WWOX: variants seen among roughly 807,000 people sequenced by gnomAD.
WWOX encodes the protein WW domain containing oxidoreductase, also known as WW domain-containing oxidoreductase.
WWOX carries 69 observed loss-of-function variants against 46.2 expected under a neutral mutation model. That is an observed-to-expected ratio of 1.49 (90% CI 1.23 to 1.82). The LOEUF is 1.82. Among genes scored for constraint, WWOX ranks in the 40% most tolerant of loss-of-function variants. The pLI is 0.00. For missense variants in WWOX, 919 were observed against 542.6 expected (o/e 1.69, Z -6.89); for synonymous variants, 359 against 202.6 (o/e 1.77, Z -6.56).
rs143600948 is a variant in WWOX at position 78,712,388 on chromosome 16, G to C, written c.1056+279636G>C. Among the ~76,000 whole-genome samples, 547 of 152,126 alleles carry C rather than the reference G, an allele frequency of 3.6e-3. 6 individuals are homozygous for C. Among genetic ancestry groups the C allele is most frequent in the South Asian group, 0.018 (85 of 4,820 alleles). The stretch of plus-strand genomic sequence containing the variant: ...ATAGTGTTGTGTGCCTGTAGGCCTA[G>C]TTACTTGGGAGGCTGAGGCGGGAGA... On this transcript the variant is annotated intron_variant, in intron 8 of 8. Transcript: ENST00000566780.
chr16:78,584,203 T>C lies in WWOX; in HGVS notation c.1056+151451T>C, dbSNP rs117169975. Among the ~76,000 whole-genome samples, 99 of 152,318 alleles carry C rather than the reference T, an allele frequency of 6.5e-4. 2 individuals carry two copies. In the East Asian group the frequency reaches 0.018, roughly 28 times the overall value. ...ACAAGGCCTGGCATAATCATTGTCATCACCATCACCATAGCTAGTATTTAT... is the reference window on the plus strand; with the variant it reads ...ACAAGGCCTGGCATAATCATTGTCACCACCATCACCATAGCTAGTATTTAT... On this transcript the variant is annotated intron_variant, in intron 8 of 8. Transcript: ENST00000566780.
At chr16:78,240,592 C>T (rs1348834280) in intron 5 of WWOX, among the ~76,000 whole-genome samples, 1 of 152,290 alleles carries the variant, frequency 6.6e-6, no homozygotes, top group Non-Finnish European at 1.5e-5. Flanking sequence ...CCCTAGCACA[C>T]TGCCACATCT....
At chr16:79,137,207 A>C (rs1253208441) in intron 8 of WWOX, among the ~76,000 whole-genome samples, 1 of 152,180 alleles carries the variant, frequency 6.6e-6, no homozygotes, top group Non-Finnish European at 1.5e-5. Context: ...TTTATTATGC[A>C]TGCCATACCC....
rs186535528 is a variant in WWOX at position 78,861,610 on chromosome 16, C to T, written c.1057-349998C>T. Among the ~76,000 whole-genome samples the T allele has an allele frequency of 2.1e-3, 324 of 152,288 alleles. 2 individuals carry two copies. Among genetic ancestry groups the T allele is most frequent in the Middle Eastern group, 0.01 (3 of 294 alleles). Reference sequence around the variant, plus strand: ...TAAAAAATGATAATTACAGTATCATCATCACACCCAAAAACATCACAAATT... The same window carrying T: ...TAAAAAATGATAATTACAGTATCATTATCACACCCAAAAACATCACAAATT... On this transcript the variant is annotated intron_variant, in intron 8 of 8. Coordinates refer to ENST00000566780, the MANE Select transcript of WWOX (RefSeq NM_016373.4).
At chr16:78,661,009 C>G (rs1251452326) in intron 8 of WWOX, among the ~76,000 whole-genome samples, 1 of 152,116 alleles carries the variant, frequency 6.6e-6, no homozygotes, top group Non-Finnish European at 1.5e-5. Context: ...AGATCCATGT[C>G]TTACTATTAC....
intron 8 of WWOX, among the ~76,000 whole-genome samples, chr16:78,909,002 A>G (rs1036532152): frequency 6.6e-6 from 1 of 152,184 alleles, no homozygotes; most frequent in Non-Finnish European, 1.5e-5. Context: ...CCCAGGCAGG[A>G]AGGTTGTTTA....
intron 8 of WWOX, among the ~76,000 whole-genome samples, chr16:79,021,025 A>G (rs931078818): frequency 6.6e-6 from 1 of 152,212 alleles, no homozygotes; most frequent in East Asian, 1.9e-4. Context: ...CCAAGAGGAT[A>G]CACAAGCTTC....
chr16:79,055,217 C>G (rs1006556493), intron 8 of WWOX, among the ~76,000 whole-genome samples: 2 of 152,150 alleles, frequency 1.3e-5, no homozygotes, highest in Non-Finnish European at 2.9e-5. Flanking sequence ...TTGCTGTTTT[C>G]TGTTATTTTG....
chr16:79,074,419 T>TTTTTTTTTTTTTTTTTTTTTTG (rs2048613826), intron 8 of WWOX, among the ~76,000 whole-genome samples: 1 of 123,952 alleles, frequency 8.1e-6, no homozygotes, highest in Non-Finnish European at 1.7e-5. Flanking sequence ...CTTTTTTTTT[T>TTTTTTTTTTTTTTTTTTTTTTG]TTTTTTTTTT....
At chr16:78,424,732 A>G (rs574900479) in intron 6 of WWOX, 138 bp from the exon 7 acceptor site, 1 of 1,006,708 alleles carries the variant, frequency 9.9e-7, no homozygotes, top group East Asian at 2.4e-5. Flanking sequence ...CGGAGAAAGA[A>G]TTTCTCATTC....
At chr16:78,149,551 C>T (rs1359681419) in intron 4 of WWOX, among the ~76,000 whole-genome samples, 1 of 152,180 alleles carries the variant, frequency 6.6e-6, no homozygotes, top group Non-Finnish European at 1.5e-5. Flanking sequence ...GAAGAGACCT[C>T]AATTCTGTGC....
chr16:78,461,536 C>T (rs989778319), intron 8 of WWOX, among the ~76,000 whole-genome samples: 2 of 152,204 alleles, frequency 1.3e-5, no homozygotes, highest in South Asian at 2.1e-4. Flanking sequence ...CAGATCCTTT[C>T]GCAAGGATCC....
intron 8 of WWOX, among the ~76,000 whole-genome samples, chr16:78,810,645 C>T (rs1031452654): frequency 4.6e-5 from 7 of 152,188 alleles, no homozygotes; most frequent in Non-Finnish European, 7.3e-5. Flanking sequence ...CTGAACAGGA[C>T]GTTTGGTTCT....
At chr16:79,178,934 C>T (rs2050855947) in intron 8 of WWOX, among the ~76,000 whole-genome samples, 1 of 152,126 alleles carries the variant, frequency 6.6e-6, no homozygotes, top group Non-Finnish European at 1.5e-5. Flanking sequence ...ATTATATTTC[C>T]CATTGACTAT....
chr16:78,114,774 A>T (rs896629960), intron 3 of WWOX, among the ~76,000 whole-genome samples: 2 of 152,122 alleles, frequency 1.3e-5, no homozygotes, highest in Non-Finnish European at 2.9e-5. Flanking sequence ...GAAGGAAAGG[A>T]TTCGATGACT....
chr16:78,557,647 T>C (rs1018007626), intron 8 of WWOX, among the ~76,000 whole-genome samples: 5 of 151,346 alleles, frequency 3.3e-5, no homozygotes, highest in African/African-American at 1.2e-4. Flanking sequence ...TTTTTCATTT[T>C]GCCCGGAAAT....
intron 8 of WWOX, among the ~76,000 whole-genome samples, chr16:78,688,740 A>T (rs1567492213): frequency 6.6e-6 from 1 of 152,090 alleles, no homozygotes; most frequent in Non-Finnish European, 1.5e-5. Context: ...GGGGTTAGTG[A>T]TAGGGTTCGG....
intron 8 of WWOX, among the ~76,000 whole-genome samples, chr16:78,834,490 TAGTA>T (rs1239718137): frequency 6.6e-6 from 1 of 151,984 alleles, no homozygotes; most frequent in African/African-American, 2.4e-5. Context: ...CAAAGAAACA[TAGTA>T]AGTGAGAAAA....
At position 79,211,672 on chromosome 16, in the gene WWOX, T is replaced by A; in HGVS notation, c.1121T>A (p.Met374Lys). 6.2e-7 allele frequency: 1 copy of A among 1,614,190 alleles called. No individual in the cohort carries two copies. The highest frequency in any genetic ancestry group is 1.1e-5 in the South Asian group (1 of 91,082). Residue 374 changes from methionine to lysine, a missense_variant, in exon 9 of 9, where the codon ATG (methionine) becomes AAG (lysine). Coordinates refer to ENST00000566780, the MANE Select transcript of WWOX (RefSeq NM_016373.4). ...CCAGAACTGGAGGGTCTGGGAGGGA[T>A]GTACTTCAACAACTGCTGCCGCTGC... Reference protein sequence around the residue: ...AVPELEGLGGMYFNNCCRCMP... With the variant: ...AVPELEGLGGKYFNNCCRCMP...
Sources: gnomAD v4.1 joint callset for allele counts (sites outside exome capture counted in the v4.1 genomes callset) on GRCh38, gnomAD v4.1.1 for gene constraint, MANE v1.5 for transcripts, NCBI Gene and HGNC (gene_info 2026-07-23, HGNC 2026-07-21) for gene names.